Variants in LRP1B observed in about 807,000 individuals in gnomAD.
LRP1B encodes LDL receptor related protein 1B.
A neutral mutation model predicts 556.6 loss-of-function variants in LRP1B; 217 were observed. The ratio of observed to expected loss-of-function variants is 0.39; its 90% CI spans 0.35 to 0.44. The LOEUF is 0.44. Among genes scored for constraint, LRP1B ranks in the 20% least tolerant of loss-of-function variants. LRP1B has a pLI of 1.00. For missense variants in LRP1B, 5,053 were observed against 5,620.8 expected (o/e 0.90, Z 3.23); for synonymous variants, 2,047 against 1,865.8 (o/e 1.10, Z -2.50).
In LRP1B at chr2:141,291,855, C is replaced by CAAAAAAAAAAA. The variant is rs143819331; in HGVS notation, c.344-37225_344-37215dup. 7.4e-4 allele frequency among the ~76,000 whole-genome samples: 73 copies of CAAAAAAAAAAA among 99,298 alleles called. 4 individuals are homozygous for CAAAAAAAAAAA. Among genetic ancestry groups the CAAAAAAAAAAA allele is most frequent in the Non-Finnish European group, 9.0e-4 (46 of 51,392 alleles). 65.1% of individuals were successfully genotyped at this position (99,298 alleles called of 152,430 possible). A position where few individuals can be genotyped will look rare whatever the true frequency, so the allele number is the denominator to read the frequency against. On this transcript the variant is annotated intron_variant, in intron 3 of 90. Coordinates refer to ENST00000389484, the MANE Select transcript of LRP1B (RefSeq NM_018557.3). ...TGGGCGAAAGAGCGAGACTCTGTCTCAAAAAAAAAAAAAAAAAAAAAAAAA... is the reference window on the plus strand; with the variant it reads ...TGGGCGAAAGAGCGAGACTCTGTCTCAAAAAAAAAAAAAAAAAAAAAAAAAAAAAAAAAAAA...
rs185548094 is a variant in LRP1B at position 142,042,168 on chromosome 2, C to T, written c.82+88480G>A. Among the ~76,000 whole-genome samples, 424 of 151,226 alleles carry T rather than the reference C, an allele frequency of 2.8e-3. 1 individual carries two copies. Among genetic ancestry groups the T allele is most frequent in the Non-Finnish European group, 3.6e-3 (246 of 67,552 alleles). On this transcript the variant is annotated intron_variant, in intron 1 of 90. Transcript: ENST00000389484. ...GGCCTTAACTGAATGCTACTGTCTG[C>T]GGTACATTATAACCCTGGCCTGCTG... is the stretch of plus-strand genomic sequence containing the variant.
chr2:140,908,914 C>T (rs1057237922), intron 21 of LRP1B, among the ~76,000 whole-genome samples: 5 of 152,160 alleles, frequency 3.3e-5, no homozygotes, highest in Admixed American at 6.6e-5. Context: ...ATTCTCCTGC[C>T]TCAGCCTCCC....
chr2:140,498,333 A>G (rs553054988), intron 55 of LRP1B, among the ~76,000 whole-genome samples: 1 of 152,020 alleles, frequency 6.6e-6, no homozygotes, highest in Non-Finnish European at 1.5e-5. Flanking sequence ...TTCAAGTAAC[A>G]TGACAAATAT....
chr2:140,748,993 T>C (rs545228989), intron 35 of LRP1B, among the ~76,000 whole-genome samples: 81 of 151,564 alleles, frequency 5.3e-4, no homozygotes, highest in African/African-American at 1.9e-3. Context: ...TTAGGTTATA[T>C]GGTACACAGC....
At chr2:140,488,918 A>G (rs568241133) in intron 57 of LRP1B, among the ~76,000 whole-genome samples, 1 of 152,090 alleles carries the variant, frequency 6.6e-6, no homozygotes, top group African/African-American at 2.4e-5. Flanking sequence ...AGGGAGAAAG[A>G]GGAAAGTAAA....
In LRP1B at chr2:140,784,339, A is replaced by G. The variant is rs548144412; in HGVS notation, c.5360-8101T>C. On this transcript the variant is annotated intron_variant, in intron 32 of 90. Coordinates refer to ENST00000389484, the MANE Select transcript of LRP1B (RefSeq NM_018557.3). ...CTATTGGGGGAAACTGTCTAGACCA[A>G]TGCTCCGAAGAAAGAGATAATTGGA... 2.6e-4 allele frequency among the ~76,000 whole-genome samples: 38 copies of G among 147,768 alleles called. No individual in the cohort carries two copies. The South Asian group carries it at 8.2e-3, about 32-fold the overall frequency.
intron 43 of LRP1B, among the ~76,000 whole-genome samples, chr2:140,549,974 A>G (rs184739251): frequency 1.1e-3 from 164 of 151,900 alleles, no homozygotes; most frequent in African/African-American, 3.3e-3. Context: ...CGTCACCTAG[A>G]TTAGGTATTT....
At chr2:141,361,148 T>C (rs1361498185) in intron 3 of LRP1B, among the ~76,000 whole-genome samples, 1 of 152,158 alleles carries the variant, frequency 6.6e-6, no homozygotes, top group East Asian at 1.9e-4. Flanking sequence ...TATGAAAGTT[T>C]CATTACTAGT....
intron 1 of LRP1B, among the ~76,000 whole-genome samples, chr2:141,851,467 G>T (rs1697854453): frequency 6.6e-6 from 1 of 151,694 alleles, no homozygotes. Flanking sequence ...TTATTCTATA[G>T]TTATTCATGT....
intron 1 of LRP1B, among the ~76,000 whole-genome samples, chr2:142,093,424 G>A (rs1706245424): frequency 2.0e-5 from 3 of 152,046 alleles, no homozygotes; most frequent in Admixed American, 2.0e-4. Context: ...GCAAGGAATG[G>A]AGAGTTAGCT....
intron 89 of LRP1B, among the ~76,000 whole-genome samples, chr2:140,237,488 T>C (rs1680759999): frequency 6.6e-6 from 1 of 150,920 alleles, no homozygotes; most frequent in Admixed American, 6.6e-5. Flanking sequence ...TCCTACTTAT[T>C]ATGTATCAAT....
At chr2:141,690,253 G>A (rs954552763) in intron 2 of LRP1B, among the ~76,000 whole-genome samples, 8 of 150,792 alleles carry the variant, frequency 5.3e-5, no homozygotes, top group African/African-American at 1.9e-4. Context: ...TGCTTTACAA[G>A]CATGCTGCTT....
intron 2 of LRP1B, among the ~76,000 whole-genome samples, chr2:141,757,777 T>A (rs1199632773): frequency 6.6e-6 from 1 of 152,058 alleles, no homozygotes; most frequent in East Asian, 1.9e-4. Flanking sequence ...GCTCAAGTGA[T>A]CCTCCCACAC....
At chr2:142,060,568 T>A (rs527441522) in intron 1 of LRP1B, among the ~76,000 whole-genome samples, 1 of 152,156 alleles carries the variant, frequency 6.6e-6, no homozygotes, top group South Asian at 2.1e-4. Context: ...CTTATTTTCA[T>A]TGTTTAACAC....
At chr2:140,356,593 G>A (rs570166375) in intron 74 of LRP1B, 117 bp from the exon 75 acceptor site, 1 of 678,432 alleles carries the variant, frequency 1.5e-6, no homozygotes, top group African/African-American at 1.8e-5. Flanking sequence ...CTTTTTGAAT[G>A]TACAAGGTTA....
intron 35 of LRP1B, among the ~76,000 whole-genome samples, chr2:140,763,512 G>A (rs1689000807): frequency 6.6e-6 from 1 of 152,084 alleles, no homozygotes; most frequent in Admixed American, 6.6e-5. Flanking sequence ...CATGAGACTT[G>A]CCTAAGAGAT....
At chr2:141,447,047 C>G (rs1213683278) in intron 3 of LRP1B, among the ~76,000 whole-genome samples, 1 of 152,052 alleles carries the variant, frequency 6.6e-6, no homozygotes, top group East Asian at 1.9e-4. Flanking sequence ...TTCAGGTATG[C>G]CAATCAAATG....
At chr2:140,655,756 C>G (rs1377930712) in intron 41 of LRP1B, among the ~76,000 whole-genome samples, 5 of 152,106 alleles carry the variant, frequency 3.3e-5, no homozygotes, top group Admixed American at 6.5e-5. Flanking sequence ...TCCTGGCTAA[C>G]ACGGTGAAAC....
chr2:140,922,156 T>C (rs1398171036), intron 21 of LRP1B, among the ~76,000 whole-genome samples: 1 of 152,012 alleles, frequency 6.6e-6, no homozygotes, highest in East Asian at 1.9e-4. Flanking sequence ...CAACACATCA[T>C]CTGGCATAAA....
Sources: gnomAD v4.1 joint callset for allele counts (sites outside exome capture counted in the v4.1 genomes callset) on GRCh38, gnomAD v4.1.1 for gene constraint, MANE v1.5 for transcripts, NCBI Gene and HGNC (gene_info 2026-07-23, HGNC 2026-07-21) for gene names.